The following EYS variants were observed in gnomAD, a reference collection of about 807,000 sequenced individuals.
EYS encodes protein eyes shut homolog.
In EYS, 250 loss-of-function variants were observed where a neutral mutation model predicts 282.1. The ratio of observed to expected loss-of-function variants is 0.89; its 90% CI spans 0.80 to 0.98. The LOEUF (loss-of-function observed/expected upper bound fraction) is 0.98, where lower values mean the gene tolerates loss of function less well. Ranked by LOEUF, EYS falls within the 50% of genes least tolerant of loss-of-function variation. The pLI is 0.00. For missense variants in EYS, 4,016 were observed against 3,709.0 expected, an observed-to-expected ratio of 1.08 and a Z score of -2.15; for synonymous variants, 1,355 against 1,282.9, an observed-to-expected ratio of 1.06 and a Z score of -1.20.
intron 41 of EYS, among the ~76,000 whole-genome samples, chr6:63,759,056 T>C (rs903556383): frequency 3.9e-5 from 6 of 152,230 alleles, no homozygotes; most frequent in African/African-American, 1.4e-4. Context: ...TAACTAAAAA[T>C]TCAATGTATG....
chr6:65,226,146 C>T (rs1282037494), intron 12 of EYS, among the ~76,000 whole-genome samples: 2 of 151,976 alleles, frequency 1.3e-5, no homozygotes, highest in African/African-American at 4.8e-5. Flanking sequence ...AATCTATTAG[C>T]ATTAATATGC....
At chr6:64,767,411 C>T (rs150372904) in intron 22 of EYS, among the ~76,000 whole-genome samples, 1 of 152,196 alleles carries the variant, frequency 6.6e-6, no homozygotes, top group East Asian at 1.9e-4. Flanking sequence ...TACCAAATCT[C>T]TCCCCATCTT....
At chr6:64,902,578 A>C in intron 16 of EYS, 78 bp from the exon 17 acceptor site, 1 of 775,054 alleles carries the variant, frequency 1.3e-6, no homozygotes. Flanking sequence ...GGTAGTCTAA[A>C]GAATACACTC....
At chr6:64,312,039 TC>T (rs994888875) in intron 29 of EYS, among the ~76,000 whole-genome samples, 2 of 147,342 alleles carry the variant, frequency 1.4e-5, no homozygotes, top group Admixed American at 1.4e-4. Context: ...AAGCATTCAC[TC>T]CCCTGCAAAG....
At chr6:64,320,438 T>G (rs1408197799) in intron 29 of EYS, among the ~76,000 whole-genome samples, 1 of 151,932 alleles carries the variant, frequency 6.6e-6, no homozygotes, top group African/African-American at 2.4e-5. Flanking sequence ...TTAATGGTCT[T>G]TTATTCTGCA....
At chr6:65,297,839 A>G (rs1250981925) in intron 11 of EYS, among the ~76,000 whole-genome samples, 1 of 152,100 alleles carries the variant, frequency 6.6e-6, no homozygotes, top group Non-Finnish European at 1.5e-5. Flanking sequence ...AACAACTGCC[A>G]CATGGCAAAA....
intron 35 of EYS, among the ~76,000 whole-genome samples, chr6:63,890,285 C>CA (rs763578733): frequency 3.1e-4 from 47 of 152,328 alleles, no homozygotes; most frequent in Admixed American, 1.4e-3. Context: ...CCTAAATCAA[C>CA]ACAATATACA....
At chr6:63,751,476 T>C (rs1032469282) in intron 41 of EYS, among the ~76,000 whole-genome samples, 1 of 152,242 alleles carries the variant, frequency 6.6e-6, no homozygotes, top group African/African-American at 2.4e-5. Context: ...TGATTTTATG[T>C]TGGCTTGTAA....
rs145044913 is a variant in EYS at position 64,048,188 on chromosome 6, A to G, written c.6725+18150T>C. On this transcript the variant is annotated intron_variant, in intron 33 of 42. Transcript: ENST00000503581. ...CCCAAAGTGCTGGGATTACCGGTGT[A>G]AGCCACTGCGCACGGCCTTGATTTT... is the stretch of plus-strand genomic sequence containing the variant. Among the ~76,000 whole-genome samples the G allele has an allele frequency of 3.7e-3, 559 of 152,194 alleles. 3 individuals carry two copies. The highest frequency in any genetic ancestry group is 0.013 in the African/African-American group (522 of 41,546).
At chr6:64,074,376 A>G (rs143561034) in intron 32 of EYS, among the ~76,000 whole-genome samples, 1 of 151,406 alleles carries the variant, frequency 6.6e-6, no homozygotes, top group East Asian at 1.9e-4. Flanking sequence ...TATCACATGG[A>G]GAAACAATGA....
At chr6:63,739,481 G>T (rs1769017304) in intron 41 of EYS, among the ~76,000 whole-genome samples, 1 of 152,100 alleles carries the variant, frequency 6.6e-6, no homozygotes, top group African/African-American at 2.4e-5. Context: ...CACTGGTGAG[G>T]TGGTGTAACC....
At chr6:63,970,633 T>C (rs1457486058) in intron 35 of EYS, among the ~76,000 whole-genome samples, 1 of 104,612 alleles carries the variant, frequency 9.6e-6, no homozygotes, top group Non-Finnish European at 2.2e-5. Context: ...AGACTCCATC[T>C]CAAAAAAAAA....
intron 13 of EYS, among the ~76,000 whole-genome samples, chr6:65,053,663 A>T (rs1773337411): frequency 6.6e-6 from 1 of 151,804 alleles, no homozygotes; most frequent in Admixed American, 6.6e-5. Context: ...GATAGTAAAT[A>T]ATTTAGGATT....
At chr6:65,562,638 G>A (rs866562648) in intron 2 of EYS, among the ~76,000 whole-genome samples, 13 of 152,064 alleles carry the variant, frequency 8.5e-5, no homozygotes, top group African/African-American at 2.9e-4. Context: ...TAAAGTTTGA[G>A]GCAATTTTAT....
chr6:63,923,629 C>G (rs1475009479), intron 35 of EYS, among the ~76,000 whole-genome samples: 3 of 152,004 alleles, frequency 2.0e-5, no homozygotes, highest in Non-Finnish European at 4.4e-5. Context: ...GATTTGTTAC[C>G]TGGGTATATT....
intron 26 of EYS, among the ~76,000 whole-genome samples, chr6:64,454,408 A>G (rs1220736616): frequency 6.6e-6 from 1 of 152,164 alleles, no homozygotes; most frequent in African/African-American, 2.4e-5. Flanking sequence ...TACATATGCA[A>G]GCATCCTATT....
At chr6:64,492,202 G>A (rs190481044) in intron 26 of EYS, among the ~76,000 whole-genome samples, 55 of 151,280 alleles carry the variant, frequency 3.6e-4, no homozygotes, top group African/African-American at 1.2e-3. Flanking sequence ...AGTGGGAAAT[G>A]TGAAAGGTAA....
At chr6:64,653,811 C>A (rs7758641) in intron 22 of EYS, among the ~76,000 whole-genome samples, 2 of 151,220 alleles carry the variant, frequency 1.3e-5, no homozygotes, top group Non-Finnish European at 2.9e-5. Flanking sequence ...GTGATCATCC[C>A]GCCTCTGCCT....
intron 12 of EYS, among the ~76,000 whole-genome samples, chr6:65,113,710 G>A (rs538977437): frequency 1.2e-5 from 1 of 85,176 alleles, no homozygotes; most frequent in African/African-American, 7.8e-5. Flanking sequence ...TTTTAGCTGT[G>A]TAGGGAATTA....
Sources: allele counts gnomAD v4.1 joint callset (sites outside exome capture counted in the v4.1 genomes callset), GRCh38; gene constraint gnomAD v4.1.1; transcripts MANE v1.5; gene names NCBI Gene and HGNC (gene_info 2026-07-23, HGNC 2026-07-21).